The following ADAM18 variants were observed in gnomAD, a reference collection of about 807,000 sequenced individuals.
The protein encoded by ADAM18 is ADAM metallopeptidase domain 18.
A neutral mutation model predicts 94.4 loss-of-function variants in ADAM18; 117 were observed. The observed-to-expected ratio is 1.24, with a 90% CI of 1.07 to 1.45. ADAM18 has a LOEUF of 1.45. ADAM18 is among the 40% of genes most tolerant of loss of function. ADAM18 has a pLI of 0.00. For synonymous variants in ADAM18, 327 were observed against 291.6 expected (o/e 1.12, Z -1.24); for missense variants, 936 against 880.0 (o/e 1.06, Z -0.81).
Position 39,654,153 on chromosome 8 carries a change from C to CTTTTTTTT in ADAM18, c.1230+5626_1230+5627insTTTTTTTT, listed in dbSNP as rs1563292600. The stretch of plus-strand genomic sequence containing the variant: ...TTGCTGCCACTGACAGGATTTCATT[C>CTTTTTTTT]CTTTTTTTTTTTTTTTTTTTTGGAG... On this transcript the variant is annotated intron_variant, in intron 12 of 19. Coordinates refer to ENST00000265707, the MANE Select transcript of ADAM18 (RefSeq NM_014237.3). Among the ~76,000 whole-genome samples the CTTTTTTTT allele has an allele frequency of 6.5e-4, 77 of 118,738 alleles. 9 individuals are homozygous for CTTTTTTTT. The highest frequency in any genetic ancestry group is 2.4e-3 in the African/African-American group (69 of 29,268). 77.9% of individuals were successfully genotyped at this position (118,738 alleles called of 152,430 possible). A position where few individuals can be genotyped will look rare whatever the true frequency, so the allele number is the denominator to read the frequency against.
At chr8:39,647,005 A>G (rs1820399553) in intron 11 of ADAM18, among the ~76,000 whole-genome samples, 1 of 152,070 alleles carries the variant, frequency 6.6e-6, no homozygotes, top group Non-Finnish European at 1.5e-5. Flanking sequence ...CTGCCCCTCC[A>G]CACCTGTGGG....
rs766654756 is a variant in ADAM18, at chr8:39,629,403, A to G, written c.552A>G (p.Gln184=). 3.5e-5 allele frequency: 56 copies of G among 1,584,534 alleles called. No individual in the cohort carries two copies. The Middle Eastern group carries it at 1.5e-3, about 42-fold the overall frequency. ...AAAATCTTTCAAAACTATTACCCCA[A>G]TATCTGGAAATATACATTATAGTGG... ...QIKNLSKLLP[Q]YLEIYIIVEK... is the part of the protein sequence containing the mutation. The change falls in exon 7 of 20, where the codon CAA becomes CAG. Residue 184 remains glutamine (Q), a synonymous_variant. Coordinates refer to ENST00000265707, the MANE Select transcript of ADAM18 (RefSeq NM_014237.3).
intron 19 of ADAM18, among the ~76,000 whole-genome samples, chr8:39,726,410 A>G (rs1323917859): frequency 1.3e-5 from 2 of 152,036 alleles, no homozygotes; most frequent in African/African-American, 4.8e-5. Context: ...TACTGGCATG[A>G]GCCATGGTGC....
At chr8:39,639,919 A>G (rs1820189853) in intron 10 of ADAM18, among the ~76,000 whole-genome samples, 1 of 151,868 alleles carries the variant, frequency 6.6e-6, no homozygotes, top group South Asian at 2.1e-4. Context: ...CCTCTTTCAT[A>G]TTTTGCTCAT....
intron 17 of ADAM18, among the ~76,000 whole-genome samples, chr8:39,696,204 A>C (rs888984366): frequency 6.6e-6 from 1 of 151,426 alleles, no homozygotes; most frequent in South Asian, 2.1e-4. Context: ...ATGATTTTCT[A>C]TTCAAGTCCT....
chr8:39,601,844 C>A (rs1432261281), intron 2 of ADAM18, among the ~76,000 whole-genome samples: 2 of 152,136 alleles, frequency 1.3e-5, no homozygotes, highest in African/African-American at 4.8e-5. Flanking sequence ...CCTTCCCCAG[C>A]CCTTTCCAAC....
chr8:39,590,041 T>A (rs1047869972), intron 2 of ADAM18, among the ~76,000 whole-genome samples: 23 of 149,878 alleles, frequency 1.5e-4, no homozygotes, highest in Non-Finnish European at 3.3e-4. Flanking sequence ...TCCTCAGGGA[T>A]CTAGAACTAG....
intron 18 of ADAM18, among the ~76,000 whole-genome samples, chr8:39,722,218 T>TAC (rs1822778172): frequency 0.11 from 439 of 4,174 alleles, 4 homozygotes; most frequent in African/African-American, 0.18. Context: ...TGTGTGTGTG[T>TAC]ATATATATAT....
chr8:39,626,025 G>A (rs1439379715), intron 6 of ADAM18, among the ~76,000 whole-genome samples: 1 of 152,168 alleles, frequency 6.6e-6, no homozygotes, highest in Non-Finnish European at 1.5e-5. Context: ...GTAGAATTTG[G>A]TTGTGAATTC....
At chr8:39,650,019 G>A (rs1263609890) in intron 12 of ADAM18, among the ~76,000 whole-genome samples, 1 of 152,116 alleles carries the variant, frequency 6.6e-6, no homozygotes, top group African/African-American at 2.4e-5. Flanking sequence ...GATACTATAT[G>A]ACAAGCAAGT....
At chr8:39,682,006 G>T (rs555672623) in intron 16 of ADAM18, among the ~76,000 whole-genome samples, 1 of 152,238 alleles carries the variant, frequency 6.6e-6, no homozygotes, top group African/African-American at 2.4e-5. Context: ...CTAAAACAAA[G>T]AAATGGATTC....
At chr8:39,705,681 A>G (rs1822221898) in intron 17 of ADAM18, among the ~76,000 whole-genome samples, 1 of 152,230 alleles carries the variant, frequency 6.6e-6, no homozygotes, top group South Asian at 2.1e-4. Flanking sequence ...TATAATTCAA[A>G]CTCACTTTAT....
At chr8:39,640,253 TC>T (rs1820200359) in intron 10 of ADAM18, among the ~76,000 whole-genome samples, 1 of 152,126 alleles carries the variant, frequency 6.6e-6, no homozygotes, top group African/African-American at 2.4e-5. Flanking sequence ...ATCATTCAGC[TC>T]CCACTTATAA....
chr8:39,724,024 T>A (rs1401217573), intron 19 of ADAM18, 117 bp downstream of exon 19: 3 of 681,554 alleles, frequency 4.4e-6, no homozygotes, highest in Middle Eastern at 4.7e-4. Flanking sequence ...TTAAATCTAA[T>A]GTAAGTGGTA....
At chr8:39,654,220 C>A (rs575603773) in intron 12 of ADAM18, among the ~76,000 whole-genome samples, 3 of 141,488 alleles carry the variant, frequency 2.1e-5, no homozygotes, top group Non-Finnish European at 4.5e-5. Context: ...TGCAGTGGCG[C>A]GATCTCAGCT....
intron 17 of ADAM18, among the ~76,000 whole-genome samples, chr8:39,705,045 A>G (rs1822202295): frequency 6.6e-6 from 1 of 152,134 alleles, no homozygotes; most frequent in Admixed American, 6.6e-5. Flanking sequence ...TATAAATGAC[A>G]CTTTTGTTGT....
At chr8:39,665,481 C>CAT (rs1820971420) in intron 13 of ADAM18, among the ~76,000 whole-genome samples, 1 of 152,148 alleles carries the variant, frequency 6.6e-6, no homozygotes. Flanking sequence ...ATTGCTGGAT[C>CAT]ATATGGTAAA....
intron 2 of ADAM18, among the ~76,000 whole-genome samples, chr8:39,592,947 T>C (rs905934906): frequency 6.6e-6 from 1 of 152,226 alleles, no homozygotes; most frequent in Admixed American, 6.5e-5. Context: ...GAAAATCTGT[T>C]GTTTAGTAGA....
chr8:39,656,782 A>G (rs1052640468), intron 12 of ADAM18, among the ~76,000 whole-genome samples: 1 of 152,180 alleles, frequency 6.6e-6, no homozygotes, highest in African/African-American at 2.4e-5. Context: ...GAAACTTTCA[A>G]AGTGGATTTA....
Sources: allele counts gnomAD v4.1 joint callset (sites outside exome capture counted in the v4.1 genomes callset), GRCh38; gene constraint gnomAD v4.1.1; transcripts MANE v1.5; gene names NCBI Gene and HGNC (gene_info 2026-07-23, HGNC 2026-07-21).